Variants in WTIP observed in about 807,000 individuals in gnomAD.
WTIP encodes WT1 interacting protein.
WTIP carries 23 observed loss-of-function variants against 41.7 expected under a neutral mutation model. The observed-to-expected ratio is 0.55, with a 90% confidence interval of 0.40 to 0.78. WTIP has a LOEUF of 0.78. Ranked by LOEUF, WTIP falls within the 30% of genes least tolerant of loss-of-function variation. WTIP has a pLI of 0.00. For synonymous variants in WTIP, 314 were observed against 269.9 expected (o/e 1.16, Z -1.60); for missense variants, 619 against 610.5 (o/e 1.01, Z -0.15).
rs770647416 is a variant in WTIP at position 34,504,621 on chromosome 19, G to A, written c.*4352G>A. The A allele has an allele frequency of 2.0e-5, 3 of 152,626 alleles. No homozygotes were observed. The highest frequency in any genetic ancestry group is 2.4e-5 in the African/African-American group (1 of 41,412). The allele number at this position is 152,626 out of a possible 1,614,324, so 9.5% of individuals were successfully genotyped here. ...AGTGGAACTGCTCTTGGGGGGCTGT[G>A]TGGGGAGGGGCCACTGGGCAGGATT... On this transcript the variant is annotated 3_prime_UTR_variant, in exon 8 of 8. Coordinates refer to ENST00000590071, the MANE Select transcript of WTIP (RefSeq NM_001080436.2).
intron 1 of WTIP, among the ~76,000 whole-genome samples, chr19:34,484,630 C>G (rs890169181): frequency 6.6e-6 from 1 of 152,132 alleles, no homozygotes; most frequent in Non-Finnish European, 1.5e-5. Context: ...TTCCCGGCCC[C>G]TGTGTACTGC....
rs890809934 is a variant in WTIP, at chr19:34,481,843, G to A, written c.-132G>A. 837 of 375,214 alleles carry A rather than the reference G, an allele frequency of 2.2e-3. 1 individual carries two copies. The highest frequency in any genetic ancestry group is 2.8e-3 in the Non-Finnish European group (767 of 274,692). 23.2% of individuals were successfully genotyped at this position (375,214 alleles called of 1,614,324 possible). ...GCCGGAACGACCCCGGCCCGGCGCC[G>A]GCCCCGCCCCGCCCCGCGCCCAGGG... On this transcript the variant is annotated 5_prime_UTR_variant, in exon 1 of 8. Coordinates refer to ENST00000590071, the MANE Select transcript of WTIP (RefSeq NM_001080436.2).
chr19:34,484,485 T>C (rs1305447822), intron 1 of WTIP, among the ~76,000 whole-genome samples: 1 of 151,838 alleles, frequency 6.6e-6, no homozygotes, highest in Non-Finnish European at 1.5e-5. Context: ...TCGTGGCGCC[T>C]GTTGGATGGC....
chr19:34,506,951 G>T lies in WTIP; in HGVS notation c.*6682G>T, dbSNP rs1242014901. 1 of 152,012 alleles carries T rather than the reference G, an allele frequency of 6.6e-6. No individual in the cohort carries two copies. The highest frequency in any genetic ancestry group is 6.6e-5 in the Admixed American group (1 of 15,266). The allele number at this position is 152,012 out of a possible 1,614,324, so 9.4% of individuals were successfully genotyped here. A position where few individuals can be genotyped will look rare whatever the true frequency, so the allele number is the denominator to read the frequency against. On this transcript the variant is annotated 3_prime_UTR_variant, in exon 8 of 8. Coordinates refer to ENST00000590071, the MANE Select transcript of WTIP (RefSeq NM_001080436.2). ...ATTGTGTTCAGCCTGGCCGGGCGCG[G>T]TGGCTCACGCCTGTAATCCCAGCAC... is the stretch of plus-strand genomic sequence containing the variant.
chr19:34,492,931 T>C (rs1329261993), intron 2 of WTIP, 106 bp from the exon 3 acceptor site: 2 of 1,089,450 alleles, frequency 1.8e-6, no homozygotes, highest in East Asian at 4.7e-5. Context: ...AAACCACCCA[T>C]AACCCAGTGT....
Position 34,490,360 on chromosome 19 carries a change from G to T in WTIP, c.668-16G>T. 1 of 1,613,308 alleles carries T rather than the reference G, an allele frequency of 6.2e-7. No homozygotes were observed. The highest frequency in any genetic ancestry group is 8.5e-7 in the Non-Finnish European group (1 of 1,179,280). ...GTGGCGCTAACCCCTGCTCTCTCCT[G>T]CCTCTCCTCTCCTAGGCATTTGCAT... is the stretch of plus-strand genomic sequence containing the variant. On this transcript the variant is annotated splice_polypyrimidine_tract_variant and intron_variant, in intron 1 of 7. Transcript: ENST00000590071.
chr19:34,486,761 G>A (rs1397019928), intron 1 of WTIP, among the ~76,000 whole-genome samples: 3 of 152,066 alleles, frequency 2.0e-5, no homozygotes, highest in Non-Finnish European at 4.4e-5. Context: ...CTTGAGGTCA[G>A]CAGTTGTAGT....
In WTIP at chr19:34,507,882, C is replaced by G. The variant is rs922525443; in HGVS notation, c.*7613C>G. 2.0e-5 allele frequency: 3 copies of G among 152,232 alleles called. No individual in the cohort carries two copies. The highest frequency in any genetic ancestry group is 7.2e-5 in the African/African-American group (3 of 41,456). The allele number at this position is 152,232 out of a possible 1,614,324, so 9.4% of individuals were successfully genotyped here. ...TCCTGGTCCCACACATCTCCTGGAG[C>G]AGAGCCTGATTCCCAGCCTCTGTAG... On this transcript the variant is annotated 3_prime_UTR_variant, in exon 8 of 8. Coordinates refer to ENST00000590071, the MANE Select transcript of WTIP (RefSeq NM_001080436.2).
At chr19:34,496,582 G>A (rs1306526386) in intron 7 of WTIP, among the ~76,000 whole-genome samples, 3 of 151,920 alleles carry the variant, frequency 2.0e-5, no homozygotes, top group Non-Finnish European at 2.9e-5. Flanking sequence ...AGGAGTCAGG[G>A]TTGGGGGCCT....
chr19:34,482,326 C>T lies in WTIP; in HGVS notation c.352C>T (p.His118Tyr), dbSNP rs2075771784. 1 of 1,383,850 alleles carries T rather than the reference C, an allele frequency of 7.2e-7. No individual in the cohort carries two copies. The highest frequency in any genetic ancestry group is 9.4e-7 in the Non-Finnish European group (1 of 1,062,840). The allele number at this position is 1,383,850 out of a possible 1,614,324, so 85.7% of individuals were successfully genotyped here. A position where few individuals can be genotyped will look rare whatever the true frequency, so the allele number is the denominator to read the frequency against. ...SGISLGYDQR[H>Y]GSPRSGRSDP... is the part of the protein sequence containing the mutation. ...CATCAGCCTGGGCTACGACCAGCGCCACGGCAGCCCGCGCTCCGGTCGCTC... is the reference window on the plus strand; with the variant it reads ...CATCAGCCTGGGCTACGACCAGCGCTACGGCAGCCCGCGCTCCGGTCGCTC... The change falls in exon 1 of 8, where the codon CAC becomes TAC. Residue 118 changes from histidine (H) to tyrosine (Y), a missense_variant. This residue lies in a region of WTIP where 363 missense variants were observed against 309.0 expected (regional missense o/e 1.17). Transcript: ENST00000590071.
chr19:34,486,401 C>G (rs2075797620), intron 1 of WTIP, among the ~76,000 whole-genome samples: 1 of 146,448 alleles, frequency 6.8e-6, no homozygotes, highest in South Asian at 2.2e-4. Context: ...GAGTTTTGCT[C>G]TTGTTGCCCA....
chr19:34,482,811 G>A (rs942237390), intron 1 of WTIP, 170 bp downstream of exon 1: 2 of 982,074 alleles, frequency 2.0e-6, no homozygotes, highest in Admixed American at 6.2e-5. Flanking sequence ...ACTGGGGAGC[G>A]CAAAGGGTGA....
rs576587154 is a variant in WTIP, at chr19:34,510,975, C to T, written c.*10706C>T. The stretch of plus-strand genomic sequence containing the variant: ...TATTAAACAAATTTCTAGGAGGTTC[C>T]AAACTTTCCCACATTTTCCTATATT... On this transcript the variant is annotated 3_prime_UTR_variant, in exon 8 of 8. Transcript: ENST00000590071. 6.6e-6 allele frequency: 1 copy of T among 152,330 alleles called. No homozygotes were observed. Among genetic ancestry groups the T allele is most frequent in the South Asian group, 2.1e-4 (1 of 4,818 alleles). The allele number at this position is 152,330 out of a possible 1,614,324, so 9.4% of individuals were successfully genotyped here.
In WTIP at chr19:34,504,892, G is replaced by C. The variant is rs2075904887; in HGVS notation, c.*4623G>C. On this transcript the variant is annotated 3_prime_UTR_variant, in exon 8 of 8. Coordinates refer to ENST00000590071, the MANE Select transcript of WTIP (RefSeq NM_001080436.2). ...GACTTCCGGTGCCACACTCGGGAGG[G>C]GTGAGGGCTTTGCTGGCTGCAGGGT... 1 of 152,458 alleles carries C rather than the reference G, an allele frequency of 6.6e-6. No homozygotes were observed. The highest frequency in any genetic ancestry group is 1.5e-5 in the Non-Finnish European group (1 of 68,250). The allele number at this position is 152,458 out of a possible 1,614,324, so 9.4% of individuals were successfully genotyped here. A position where few individuals can be genotyped will look rare whatever the true frequency, so the allele number is the denominator to read the frequency against.
At chr19:34,496,431 A>C (rs2075854044) in intron 7 of WTIP, among the ~76,000 whole-genome samples, 1 of 152,122 alleles carries the variant, frequency 6.6e-6, no homozygotes, top group Non-Finnish European at 1.5e-5. Context: ...TTGGCCTCCC[A>C]AAGTGCTGGG....
Position 34,504,307 on chromosome 19 carries a change from G to T in WTIP, c.*4038G>T, listed in dbSNP as rs2075901894. The T allele has an allele frequency of 6.6e-6, 1 of 152,128 alleles. No homozygotes were observed. The allele number at this position is 152,128 out of a possible 1,614,324, so 9.4% of individuals were successfully genotyped here. ...TGACGCTGGGATTTGGGAGGATTTG[G>T]TGGGTTCTCAGTGACCCCACTGAGG... On this transcript the variant is annotated 3_prime_UTR_variant, in exon 8 of 8. Transcript: ENST00000590071.
chr19:34,484,981 G>T (rs960683474), intron 1 of WTIP, among the ~76,000 whole-genome samples: 1 of 149,586 alleles, frequency 6.7e-6, no homozygotes, highest in Non-Finnish European at 1.5e-5. Flanking sequence ...CTGTTGTAGC[G>T]CCCTGAGAGT....
In WTIP at chr19:34,503,684, T is replaced by C. The variant is rs2075898918; in HGVS notation, c.*3415T>C. 6.6e-6 allele frequency: 1 copy of C among 152,622 alleles called. No individual in the cohort carries two copies. The highest frequency in any genetic ancestry group is 1.5e-5 in the Non-Finnish European group (1 of 68,412). 9.5% of individuals were successfully genotyped at this position (152,622 alleles called of 1,614,324 possible). ...TGCCATCCCTGTCCCCGCTATGCGG[T>C]GAGCTCTTCAGCTTGGGCCCGCCTG... is the stretch of plus-strand genomic sequence containing the variant. On this transcript the variant is annotated 3_prime_UTR_variant, in exon 8 of 8. Coordinates refer to ENST00000590071, the MANE Select transcript of WTIP (RefSeq NM_001080436.2).
rs781250779 is a variant in WTIP, at chr19:34,494,586, G to A, written c.1032G>A (p.Thr344=). 6 of 1,613,416 alleles carry A rather than the reference G, an allele frequency of 3.7e-6. No individual in the cohort carries two copies. In the African/African-American group the frequency reaches 5.3e-5, roughly 14 times the overall value. ...NNIYCVRDYH[T]VFAPKCASCA... ...CTTCTGGTTTCCTTTATTTCTCTAG[G>A]GTTTTTGCACCAAAATGCGCCTCCT... Residue 344 remains threonine, a splice_region_variant and synonymous_variant, in exon 6 of 8, where the codon ACG becomes ACA. Coordinates refer to ENST00000590071, the MANE Select transcript of WTIP (RefSeq NM_001080436.2).
Sources: gnomAD v4.1 joint callset for allele counts (sites outside exome capture counted in the v4.1 genomes callset) on GRCh38, gnomAD v4.1.1 for gene constraint, gnomAD v4.1.1 regional missense constraint, MANE v1.5 for transcripts, NCBI Gene and HGNC (gene_info 2026-07-23, HGNC 2026-07-21) for gene names.